Variants in EPN2 observed in about 807,000 individuals in gnomAD.
The protein encoded by EPN2 is epsin-2.
In EPN2, 34 loss-of-function variants were observed where a neutral mutation model predicts 61.7. The ratio of observed to expected loss-of-function variants is 0.55; its 90% CI spans 0.42 to 0.73. The LOEUF is 0.73. Ranked by LOEUF, EPN2 falls within the 30% of genes least tolerant of loss-of-function variation. EPN2 has a pLI of 0.00. For missense variants in EPN2, 714 were observed against 839.2 expected, an observed-to-expected ratio of 0.85 and a Z score of 1.84; for synonymous variants, 349 against 353.6, an observed-to-expected ratio of 0.99 and a Z score of 0.15.
chr17:19,313,562 G>A, intron 7 of EPN2: 1 of 373,032 alleles, frequency 2.7e-6, no homozygotes, highest in Non-Finnish European at 4.8e-6. Flanking sequence ...GCCTTCTCTG[G>A]GACATGTTTC....
chr17:19,256,144 A>G (rs577586432), intron 1 of EPN2, among the ~76,000 whole-genome samples: 2 of 151,870 alleles, frequency 1.3e-5, no homozygotes, highest in East Asian at 1.9e-4. Context: ...TCACCATGTT[A>G]GCCAGGATGG....
At chr17:19,240,982 GT>G (rs1317568592) in intron 1 of EPN2, among the ~76,000 whole-genome samples, 1 of 152,212 alleles carries the variant, frequency 6.6e-6, no homozygotes, top group East Asian at 1.9e-4. Flanking sequence ...TTGTGTGTCA[GT>G]TGCATAGGTT....
chr17:19,271,515 C>T (rs2045253389), intron 1 of EPN2: 1 of 152,292 alleles, frequency 6.6e-6, no homozygotes. Context: ...CTTTGAGCTT[C>T]AGCTAAGGTG....
At chr17:19,275,362 G>A (rs555859402) in intron 1 of EPN2, among the ~76,000 whole-genome samples, 48 of 152,346 alleles carry the variant, frequency 3.2e-4, no homozygotes, top group Admixed American at 1.4e-3. Flanking sequence ...GAGAATTTCA[G>A]GGAATAAATG....
At chr17:19,264,717 A>G (rs2045177966) in intron 1 of EPN2, among the ~76,000 whole-genome samples, 1 of 152,024 alleles carries the variant, frequency 6.6e-6, no homozygotes, top group African/African-American at 2.4e-5. Flanking sequence ...GGAGGAAGGG[A>G]GAGAGAAAGG....
intron 1 of EPN2, among the ~76,000 whole-genome samples, chr17:19,278,354 GACTT>G (rs909133593): frequency 6.6e-6 from 1 of 152,088 alleles, no homozygotes; most frequent in African/African-American, 2.4e-5. Context: ...GGTTTAATTG[GACTT>G]ACAGTTCCAC....
At chr17:19,255,207 G>C (rs2045061061) in intron 1 of EPN2, among the ~76,000 whole-genome samples, 1 of 152,156 alleles carries the variant, frequency 6.6e-6, no homozygotes, top group Non-Finnish European at 1.5e-5. Flanking sequence ...TTCTTTTGGA[G>C]GGTGTGAGGG....
rs1468079317 is a variant in EPN2, at chr17:19,237,762, A to G, written c.-294+231A>G. On this transcript the variant is annotated intron_variant, in intron 1 of 10. Coordinates refer to ENST00000314728, the MANE Select transcript of EPN2 (RefSeq NM_014964.5). Reference sequence around the variant, plus strand: ...GGAGCATGGCCCCCTTCCCATCTGGATCCAGCTTTCCGCTGCAAGGATCTC... The same window carrying G: ...GGAGCATGGCCCCCTTCCCATCTGGGTCCAGCTTTCCGCTGCAAGGATCTC... 2.7e-5 allele frequency among the ~76,000 whole-genome samples: 4 copies of G among 150,874 alleles called. No individual in the cohort carries two copies. In the East Asian group the frequency reaches 7.9e-4, roughly 30 times the overall value.
At chr17:19,289,520 C>T (rs1212693683) in intron 4 of EPN2, among the ~76,000 whole-genome samples, 1 of 151,846 alleles carries the variant, frequency 6.6e-6, no homozygotes, top group Admixed American at 6.6e-5. Flanking sequence ...GAGATGAGGG[C>T]GGCTGTGGGT....
Position 19,283,410 on chromosome 17 carries a change from G to A in EPN2, c.291G>A (p.Arg97=). The change falls in exon 3 of 11, where the codon CGG becomes CGA. Residue 97 remains arginine, a synonymous_variant. Transcript: ENST00000314728. The surrounding 1 kb of genome is among the most constrained non-coding windows in gnomAD (Gnocchi z 7.0). ...TGSERVAQQC[R]ENIFAIQTLK... is the part of the protein sequence containing the mutation. ...CCGAACGTGTGGCCCAGCAGTGCCG[G>A]GAGAACATCTTCGCCATCCAGACCC... 1 of 1,614,190 alleles carries A rather than the reference G, an allele frequency of 6.2e-7. No homozygotes were observed. The highest frequency in any genetic ancestry group is 8.5e-7 in the Non-Finnish European group (1 of 1,180,022).
rs2152243413 is a variant in EPN2, at chr17:19,335,948, T to TAGA, written c.*1694_*1695insAGA. The TAGA allele has an allele frequency of 6.5e-6, 1 of 152,878 alleles. No individual in the cohort carries two copies. Among genetic ancestry groups the TAGA allele is most frequent in the East Asian group, 1.9e-4 (1 of 5,196 alleles). 9.5% of individuals were successfully genotyped at this position (152,878 alleles called of 1,614,324 possible). Reference sequence around the variant, plus strand: ...GATGTTTCTGGCCCTTTTTCCACCATGGGAATTTCTCACCTCTAGCTCTAA... The same window carrying TAGA: ...GATGTTTCTGGCCCTTTTTCCACCATAGAGGGAATTTCTCACCTCTAGCTCTAA... On this transcript the variant is annotated 3_prime_UTR_variant, in exon 11 of 11. Transcript: ENST00000314728.
chr17:19,292,308 G>A (rs1338147772), intron 4 of EPN2, among the ~76,000 whole-genome samples: 1 of 152,244 alleles, frequency 6.6e-6, no homozygotes, highest in Non-Finnish European at 1.5e-5. Context: ...CTAGTGTCAG[G>A]CCAGGGATAG....
At chr17:19,293,863 G>A (rs2045489414) in intron 4 of EPN2, among the ~76,000 whole-genome samples, 1 of 152,032 alleles carries the variant, frequency 6.6e-6, no homozygotes, top group South Asian at 2.1e-4. Context: ...CGAGGCTGGT[G>A]GATCACTTGA....
intron 1 of EPN2, among the ~76,000 whole-genome samples, chr17:19,279,234 C>T (rs1399058955): frequency 6.6e-6 from 1 of 152,110 alleles, no homozygotes; most frequent in African/African-American, 2.4e-5. Context: ...GCAGCGGCAC[C>T]TTGGCCCTTG....
chr17:19,260,324 G>A (rs2152207601), intron 1 of EPN2, among the ~76,000 whole-genome samples: 1 of 152,358 alleles, frequency 6.6e-6, no homozygotes, highest in African/African-American at 2.4e-5. Context: ...TAGCAGGCTG[G>A]ATGGGGGCAT....
intron 1 of EPN2, among the ~76,000 whole-genome samples, chr17:19,238,802 C>A (rs2044847603): frequency 6.6e-6 from 1 of 152,132 alleles, no homozygotes; most frequent in South Asian, 2.1e-4. Flanking sequence ...TGAGTTATTC[C>A]TTTTCACCTC....
At chr17:19,296,098 A>G (rs1464235110) in intron 4 of EPN2, among the ~76,000 whole-genome samples, 1 of 151,252 alleles carries the variant, frequency 6.6e-6, no homozygotes, top group African/African-American at 2.4e-5. Context: ...CCGCAAGTCC[A>G]CTCTGCGACC....
Position 19,270,196 on chromosome 17 carries a change from A to G in EPN2, c.-293-11759A>G, listed in dbSNP as rs544889756. ...TGTTATGAAGATGCCATCAGTGGACACATGTGACCTGCTCAGTTAGTATTC... is the reference window on the plus strand; with the variant it reads ...TGTTATGAAGATGCCATCAGTGGACGCATGTGACCTGCTCAGTTAGTATTC... On this transcript the variant is annotated intron_variant, in intron 1 of 10. Transcript: ENST00000314728. 2.0e-5 allele frequency among the ~76,000 whole-genome samples: 3 copies of G among 152,340 alleles called. No individual in the cohort carries two copies. In the East Asian group the frequency reaches 5.8e-4, roughly 29 times the overall value.
At chr17:19,282,192 AC>A (rs1340088157) in intron 2 of EPN2, 115 bp downstream of exon 2, 1 of 152,226 alleles carries the variant, frequency 6.6e-6, no homozygotes. Context: ...CTGGGCTATA[AC>A]CAGATTAGTT....
Sources: allele counts gnomAD v4.1 joint callset (sites outside exome capture counted in the v4.1 genomes callset), GRCh38; gene constraint gnomAD v4.1.1; non-coding constraint Gnocchi (gnomAD v3.1); transcripts MANE v1.5; gene names NCBI Gene and HGNC (gene_info 2026-07-23, HGNC 2026-07-21).